WDR4: variants seen among roughly 807,000 people sequenced by gnomAD.
WDR4 encodes the protein tRNA (guanine-N(7)-)-methyltransferase non-catalytic subunit WDR4.
In WDR4, 47 loss-of-function variants were observed where a neutral mutation model predicts 48.6. The observed-to-expected ratio is 0.97, with a 90% confidence interval of 0.77 to 1.23. WDR4 has a LOEUF of 1.23. Among genes scored for constraint, WDR4 ranks in the 50% most tolerant of loss-of-function variants. The pLI, the probability that WDR4 is intolerant of heterozygous loss-of-function variation, is 0.00. For synonymous variants in WDR4, 268 were observed against 230.0 expected, an observed-to-expected ratio of 1.17 and a Z score of -1.49; for missense variants, 606 against 551.6, an observed-to-expected ratio of 1.10 and a Z score of -0.99.
At chr21:42,845,799 G>A (rs1048860013), downstream of WDR4, among the ~76,000 whole-genome samples, 1 of 152,192 alleles carries the variant, frequency 6.6e-6, no homozygotes. Flanking sequence ...AATTCCACGC[G>A]CAAGTACACA....
intron 3 of WDR4, among the ~76,000 whole-genome samples, chr21:42,866,423 G>C (rs2058248077): frequency 1.3e-5 from 2 of 152,180 alleles, no homozygotes; most frequent in Non-Finnish European, 2.9e-5. Context: ...AGCGGTGCAG[G>C]GCCTCAGTGA....
Position 42,862,650 on chromosome 21 carries a change from T to G in WDR4, c.454-256A>C, listed in dbSNP as rs1015460659. ...AGAGCAGGCTTCTGGGGTGGGGCAGTGCCACCCCTGCCTGCCTGTCTCCCG... is the reference window on the plus strand; with the variant it reads ...AGAGCAGGCTTCTGGGGTGGGGCAGGGCCACCCCTGCCTGCCTGTCTCCCG... On this transcript the variant is annotated intron_variant, in intron 4 of 10. Transcript: ENST00000398208. This position sits in a 1 kb window ranked among gnomAD's most constrained non-coding sequence, Gnocchi z 4.3. 6.6e-6 allele frequency among the ~76,000 whole-genome samples: 1 copy of G among 152,064 alleles called. No individual in the cohort carries two copies. The highest frequency in any genetic ancestry group is 2.4e-5 in the African/African-American group (1 of 41,380).
At chr21:42,865,869 G>A in intron 3 of WDR4, among the ~76,000 whole-genome samples, 1 of 152,024 alleles carries the variant, frequency 6.6e-6, no homozygotes, top group East Asian at 1.9e-4. Context: ...GAGTCGAGTG[G>A]CTGAGCCCTG....
chr21:42,879,159 G>A (rs1555983689), intron 1 of WDR4: 5 of 1,302,564 alleles, frequency 3.8e-6, no homozygotes, highest in East Asian at 6.2e-5. Flanking sequence ...CCGCAGACCA[G>A]CCATCTAGTG....
chr21:42,885,957 T>C, the WDR4 span, among the ~76,000 whole-genome samples: 2 of 67,002 alleles, frequency 3.0e-5, no homozygotes, highest in Non-Finnish European at 6.1e-5. Context: ...TCAGCATAGA[T>C]TTTTTTTTTT....
chr21:42,879,246 G>C, intron 1 of WDR4, 161 bp downstream of exon 1: 20 of 1,343,804 alleles, frequency 1.5e-5, no homozygotes, highest in Non-Finnish European at 1.8e-5. Context: ...CAGAGACGCG[G>C]CCAGGCCGAG....
At chr21:42,853,867 G>T in intron 8 of WDR4, 115 bp from the exon 9 acceptor site, 1 of 1,162,928 alleles carries the variant, frequency 8.6e-7, no homozygotes, top group South Asian at 1.5e-5. Context: ...GAGAGCCTAC[G>T]CTGAAAGCCC....
chr21:42,848,171 C>T (rs550443821), downstream of WDR4, among the ~76,000 whole-genome samples: 39 of 152,312 alleles, frequency 2.6e-4, no homozygotes, highest in South Asian at 6.6e-3. Flanking sequence ...TCATAGTCAT[C>T]GCCAGCATGA....
chr21:42,862,199 A>G lies in WDR4; in HGVS notation c.566+83T>C. The G allele has an allele frequency of 7.6e-7, 1 of 1,318,684 alleles. No homozygotes were observed. The allele number at this position is 1,318,684 out of a possible 1,614,324, so 81.7% of individuals were successfully genotyped here. On this transcript the variant is annotated intron_variant, in intron 5 of 10. Coordinates refer to ENST00000398208, the MANE Select transcript of WDR4 (RefSeq NM_018669.6). This position sits in a 1 kb window ranked among gnomAD's most constrained non-coding sequence, Gnocchi z 4.3. The stretch of plus-strand genomic sequence containing the variant: ...TCACCCGCGTGGGGCCTCGCCAGCT[A>G]CAACGGCACCTGCTGAGCCGCAAGC...
At chr21:42,866,297 C>T (rs2058244451) in intron 3 of WDR4, among the ~76,000 whole-genome samples, 2 of 152,174 alleles carry the variant, frequency 1.3e-5, no homozygotes, top group African/African-American at 4.8e-5. Context: ...CTGCCCACAA[C>T]TTCCATCTTG....
the WDR4 span, among the ~76,000 whole-genome samples, chr21:42,888,608 GTT>G: frequency 6.8e-6 from 1 of 146,326 alleles, no homozygotes; most frequent in Non-Finnish European, 1.5e-5. Context: ...TTTCCTATTG[GTT>G]TTTTTTTTTC....
intron 8 of WDR4, 116 bp from the exon 9 acceptor site, chr21:42,853,868 C>T (rs755209444): frequency 2.0e-4 from 232 of 1,150,752 alleles, no homozygotes; most frequent in Non-Finnish European, 2.6e-4. Flanking sequence ...AGAGCCTACG[C>T]TGAAAGCCCC....
intron 1 of WDR4, among the ~76,000 whole-genome samples, chr21:42,877,921 T>C (rs2058535012): frequency 6.6e-6 from 1 of 151,434 alleles, no homozygotes; most frequent in Non-Finnish European, 1.5e-5. Flanking sequence ...GGCAGGCGCC[T>C]GCAGTCCCAA....
At chr21:42,873,732 G>T in intron 2 of WDR4, 41 bp from the exon 3 acceptor site, 1 of 1,596,878 alleles carries the variant, frequency 6.3e-7, no homozygotes, top group East Asian at 2.2e-5. Context: ...TTCACCTAAG[G>T]AAATAAGGCT....
At chr21:42,869,610 C>A (rs1166887681) in intron 3 of WDR4, among the ~76,000 whole-genome samples, 1 of 151,614 alleles carries the variant, frequency 6.6e-6, no homozygotes, top group Non-Finnish European at 1.5e-5. Context: ...CTAAAGTGTC[C>A]AAATATAAAG....
rs1437966017 is a variant in WDR4, at chr21:42,863,574, C to T, written c.319G>A (p.Ala107Thr). 6.2e-7 allele frequency: 1 copy of T among 1,613,870 alleles called. No individual in the cohort carries two copies. Among genetic ancestry groups the T allele is most frequent in the Admixed American group, 1.7e-5 (1 of 59,998 alleles). ...TCCTCCGAGGCTATGAAAGTCAGGG[C>T]TGTACACCTCCTTGCCACGGTCCTA... ...SVRTVARRCT[A>T]LTFIASEEKV... Residue 107 changes from alanine (A) to threonine (T), a missense_variant, in exon 4 of 11, where the codon GCC (alanine) becomes ACC (threonine). Transcript: ENST00000398208.
chr21:42,879,212 C>A, intron 1 of WDR4, 195 bp downstream of exon 1: 1 of 1,326,940 alleles, frequency 7.5e-7, no homozygotes, highest in Non-Finnish European at 9.6e-7. Context: ...CGAGAGCGGA[C>A]GGCGAAAGCG....
intron 6 of WDR4, among the ~76,000 whole-genome samples, chr21:42,856,633 TGA>T (rs2057999540): frequency 6.6e-6 from 1 of 152,196 alleles, no homozygotes. Context: ...TTAAATCTAA[TGA>T]GAGAGTGTCT....
intron 11 of WDR4, among the ~76,000 whole-genome samples, chr21:42,843,450 A>C (rs2057683999): frequency 8.0e-6 from 1 of 125,028 alleles, no homozygotes; most frequent in Admixed American, 1.0e-4. Flanking sequence ...TCACTCTGTC[A>C]CCCAGGCTGG....
Sources: gnomAD v4.1 joint callset for allele counts (sites outside exome capture counted in the v4.1 genomes callset) on GRCh38, gnomAD v4.1.1 for gene constraint, Gnocchi (gnomAD v3.1) non-coding constraint, MANE v1.5 for transcripts, NCBI Gene and HGNC (gene_info 2026-07-23, HGNC 2026-07-21) for gene names.